KIAA1614: variants seen among roughly 807,000 people sequenced by gnomAD.
KIAA1614 encodes KIAA1614, also known as uncharacterized protein KIAA1614.
In KIAA1614, 76 loss-of-function variants were observed where a neutral mutation model predicts 88.7. The ratio of observed to expected loss-of-function variants is 0.86; its 90% CI spans 0.71 to 1.04. KIAA1614 has a LOEUF of 1.04. Among genes scored for constraint, KIAA1614 ranks in the 50% least tolerant of loss-of-function variants. The pLI is 0.00. For synonymous variants in KIAA1614, 714 were observed against 675.5 expected (o/e 1.06, Z -0.88); for missense variants, 1,553 against 1,582.5 (o/e 0.98, Z 0.32).
At chr1:180,915,962 T>G (rs1344282217) in intron 1 of KIAA1614, among the ~76,000 whole-genome samples, 192 bp from the exon 2 acceptor site, 1 of 152,108 alleles carries the variant, frequency 6.6e-6, no homozygotes, top group East Asian at 1.9e-4. Flanking sequence ...ATGGAAAAAC[T>G]GTCTTTCATG....
At chr1:180,936,785 A>AGCATTGTC in intron 5 of KIAA1614, 115 bp downstream of exon 5, 1 of 666,752 alleles carries the variant, frequency 1.5e-6, no homozygotes, top group Admixed American at 3.4e-5. Flanking sequence ...TTATCTCAAT[A>AGCATTGTC]GTCAGATGGC....
At position 180,916,490 on chromosome 1, in the gene KIAA1614, A is replaced by G. The variant is rs377004955; in HGVS notation, c.387A>G (p.Pro129=). The change falls in exon 2 of 9, where the codon CCA becomes CCG. Residue 129 remains proline, a synonymous_variant. Coordinates refer to ENST00000367588, the MANE Select transcript of KIAA1614 (RefSeq NM_020950.2). ...RRGKAGRAGT[P]SEGSFLPGAV... ...GCAAGGCAGGGAGAGCCGGGACTCC[A>G]TCAGAGGGGTCTTTCCTGCCAGGTG... The G allele has an allele frequency of 1.2e-6, 2 of 1,614,104 alleles. No individual in the cohort carries two copies. Among genetic ancestry groups the G allele is most frequent in the Non-Finnish European group, 1.7e-6 (2 of 1,180,030 alleles).
intron 6 of KIAA1614, 39 bp from the exon 7 acceptor site, chr1:180,941,006 G>GGCGCCCC: frequency 1.1e-6 from 1 of 908,444 alleles, no homozygotes; most frequent in Non-Finnish European, 1.5e-6. Flanking sequence ...CACCCTCCCG[G>GGCGCCCC]CCCTCCCCCG....
chr1:180,940,088 G>A (rs1654419559), intron 6 of KIAA1614, among the ~76,000 whole-genome samples: 2 of 152,202 alleles, frequency 1.3e-5, no homozygotes, highest in Non-Finnish European at 1.5e-5. Context: ...ACATGGGATG[G>A]GTCTCCTTGG....
intron 8 of KIAA1614, 33 bp downstream of exon 8, chr1:180,944,549 C>G (rs574714653): frequency 6.2e-7 from 1 of 1,604,912 alleles, no homozygotes; most frequent in Non-Finnish European, 8.5e-7. Flanking sequence ...GGAGGATAAA[C>G]TCAGAGAGTG....
Position 180,949,008 on chromosome 1 carries a change from CG to C in KIAA1614, c.*3424del, listed in dbSNP as rs1250971671. ...CAGGCTGGGCTGCCCAAAGCTCCTACGGGGCTGGGGGATCCGAGAGAGGACT... is the reference window on the plus strand; with the variant it reads ...CAGGCTGGGCTGCCCAAAGCTCCTACGGGCTGGGGGATCCGAGAGAGGACT... On this transcript the variant is annotated 3_prime_UTR_variant, in exon 9 of 9. Transcript: ENST00000367588. The C allele has an allele frequency of 6.6e-6, 1 of 152,272 alleles. No individual in the cohort carries two copies. Among genetic ancestry groups the C allele is most frequent in the Non-Finnish European group, 1.5e-5 (1 of 68,076 alleles). The allele number at this position is 152,272 out of a possible 1,614,324, so 9.4% of individuals were successfully genotyped here. A position where few individuals can be genotyped will look rare whatever the true frequency, so the allele number is the denominator to read the frequency against.
chr1:180,936,439 C>T lies in KIAA1614; in HGVS notation c.2530C>T (p.Arg844Trp), dbSNP rs375225309. 110 of 1,614,028 alleles carry T rather than the reference C, an allele frequency of 6.8e-5. No individual in the cohort carries two copies. Among genetic ancestry groups the T allele is most frequent in the African/African-American group, 9.3e-5 (7 of 74,922 alleles). ...CCAGACAGAGCCTGTGGGTATCCCT[C>T]GGCCTCCTTCAAGAAGCGCGGTTCT... ...GDQTEPVGIP[R>W]PPSRSAVLRT... Residue 844 changes from arginine to tryptophan, a missense_variant, in exon 5 of 9, where the codon CGG (arginine) becomes TGG (tryptophan). Coordinates refer to ENST00000367588, the MANE Select transcript of KIAA1614 (RefSeq NM_020950.2).
rs1438464535 is a variant in KIAA1614, at chr1:180,935,385, C to T, written c.1476C>T (p.Pro492=). ...AADQGPLRSK[P]DLADYINGAP... ...ACCAGGGCCCCCTGCGCTCCAAGCC[C>T]GACCTCGCCGACTACATCAACGGGG... The change falls in exon 5 of 9, where the codon CCC becomes CCT. Residue 492 remains proline, a synonymous_variant. Transcript: ENST00000367588. The surrounding 1 kb of genome is among the most constrained non-coding windows in gnomAD (Gnocchi z 6.1). The T allele has an allele frequency of 2.0e-6, 3 of 1,468,184 alleles. No individual in the cohort carries two copies. In the African/African-American group the frequency reaches 4.3e-5, roughly 21 times the overall value. 90.9% of individuals were successfully genotyped at this position (1,468,184 alleles called of 1,614,324 possible). A position where few individuals can be genotyped will look rare whatever the true frequency, so the allele number is the denominator to read the frequency against.
chr1:180,947,878 G>A lies in KIAA1614; in HGVS notation c.*2290G>A, dbSNP rs61538527. ...TCCCCTTCAGAAAGAGAAAGTCTGG[G>A]GAAGAGAACCCCAGACAGGGACCAG... On this transcript the variant is annotated 3_prime_UTR_variant, in exon 9 of 9. Transcript: ENST00000367588. 0.087 allele frequency: 13,229 copies of A among 152,296 alleles called. 778 individuals are homozygous for A. The highest frequency in any genetic ancestry group is 0.16 in the African/African-American group (6,497 of 41,536). The allele number at this position is 152,296 out of a possible 1,614,324, so 9.4% of individuals were successfully genotyped here. A position where few individuals can be genotyped will look rare whatever the true frequency, so the allele number is the denominator to read the frequency against.
intron 4 of KIAA1614, among the ~76,000 whole-genome samples, chr1:180,929,646 G>A (rs1459038298): frequency 6.6e-6 from 1 of 152,174 alleles, no homozygotes; most frequent in South Asian, 2.1e-4. Flanking sequence ...TGCCTGTTCC[G>A]CCGATGGTGC....
chr1:180,935,080 T>C lies in KIAA1614; in HGVS notation c.1206-35T>C, dbSNP rs931773762. ...GCGTGTCCATACCTCCCCAGGTTTCTGCCCTTGACCTCTCTCCTCCTGTCT... is the reference window on the plus strand; with the variant it reads ...GCGTGTCCATACCTCCCCAGGTTTCCGCCCTTGACCTCTCTCCTCCTGTCT... On this transcript the variant is annotated intron_variant, in intron 4 of 8. Transcript: ENST00000367588. This position sits in a 1 kb window ranked among gnomAD's most constrained non-coding sequence, Gnocchi z 6.1. 4 of 1,342,070 alleles carry C rather than the reference T, an allele frequency of 3.0e-6. No individual in the cohort carries two copies. The highest frequency in any genetic ancestry group is 2.9e-6 in the Non-Finnish European group (3 of 1,038,512). The allele number at this position is 1,342,070 out of a possible 1,614,324, so 83.1% of individuals were successfully genotyped here.
chr1:180,943,034 T>TGTTTGTTTG (rs75163385), intron 7 of KIAA1614, among the ~76,000 whole-genome samples: 69,743 of 139,532 alleles, frequency 0.5, 16,815 homozygotes, highest in East Asian at 0.63. Context: ...TTGGGTTTTT[T>TGTTTGTTTG]TTTTTTTTTT....
At chr1:180,917,654 G>A (rs565022474) in intron 2 of KIAA1614, among the ~76,000 whole-genome samples, 197 bp from the exon 3 acceptor site, 23 of 152,298 alleles carry the variant, frequency 1.5e-4, no homozygotes, top group Admixed American at 2.6e-4. Context: ...GCCCAGGCAT[G>A]TGGTCCTCTC....
At chr1:180,934,089 T>C (rs1654260287) in intron 4 of KIAA1614, among the ~76,000 whole-genome samples, 1 of 152,096 alleles carries the variant, frequency 6.6e-6, no homozygotes, top group South Asian at 2.1e-4. Context: ...ACCCCGTCTC[T>C]ACTAAAAATA....
At chr1:180,928,345 G>T (rs1470087354) in intron 3 of KIAA1614, 85 bp from the exon 4 acceptor site, 9 of 1,386,720 alleles carry the variant, frequency 6.5e-6, no homozygotes, top group Non-Finnish European at 8.6e-6. Flanking sequence ...CACAGCCAGT[G>T]CTTGACACTG....
At chr1:180,936,702 C>T (rs983964171) in intron 5 of KIAA1614, 32 bp downstream of exon 5, 1 of 1,418,266 alleles carries the variant, frequency 7.1e-7, no homozygotes, top group Non-Finnish European at 9.3e-7. Context: ...CTGCCCAGCC[C>T]AGGCCTGGTG....
intron 3 of KIAA1614, among the ~76,000 whole-genome samples, chr1:180,921,209 G>A (rs1393235269): frequency 1.2e-5 from 1 of 85,012 alleles, no homozygotes; most frequent in Non-Finnish European, 2.6e-5. Context: ...TTTCTCTTAC[G>A]GGCAGGGGCG....
chr1:180,916,137 T>A lies in KIAA1614; in HGVS notation c.51-17T>A. 6.5e-7 allele frequency: 1 copy of A among 1,527,496 alleles called. No individual in the cohort carries two copies. Among genetic ancestry groups the A allele is most frequent in the Non-Finnish European group, 8.8e-7 (1 of 1,138,600 alleles). 94.6% of individuals were successfully genotyped at this position (1,527,496 alleles called of 1,614,324 possible). On this transcript the variant is annotated splice_polypyrimidine_tract_variant and intron_variant, in intron 1 of 8. Coordinates refer to ENST00000367588, the MANE Select transcript of KIAA1614 (RefSeq NM_020950.2). ...CCTGTGCTGGGTCTTAGGAACTCTGTCTGTTTTCTCCTCCAGAGGGCCCAA... is the reference window on the plus strand; with the variant it reads ...CCTGTGCTGGGTCTTAGGAACTCTGACTGTTTTCTCCTCCAGAGGGCCCAA...
chr1:180,919,337 T>A (rs1653894423), intron 3 of KIAA1614, among the ~76,000 whole-genome samples: 1 of 152,178 alleles, frequency 6.6e-6, no homozygotes, highest in African/African-American at 2.4e-5. Context: ...TCTCTTCCCC[T>A]ACCTCCCTGG....
Sources: gnomAD v4.1 joint callset for allele counts (sites outside exome capture counted in the v4.1 genomes callset) on GRCh38, gnomAD v4.1.1 for gene constraint, Gnocchi (gnomAD v3.1) non-coding constraint, MANE v1.5 for transcripts, NCBI Gene and HGNC (gene_info 2026-07-23, HGNC 2026-07-21) for gene names.